CTNNA3: variants seen among roughly 807,000 people sequenced by gnomAD.
The protein encoded by CTNNA3 is catenin alpha 3.
A neutral mutation model predicts 95.7 loss-of-function variants in CTNNA3; 76 were observed. The ratio of observed to expected loss-of-function variants is 0.79; its 90% confidence interval spans 0.66 to 0.96. The LOEUF (loss-of-function observed/expected upper bound fraction) is 0.96. CTNNA3 is among the 40% of genes least tolerant of loss of function. The pLI, the probability that CTNNA3 is intolerant of heterozygous loss-of-function variation, is 0.00. For synonymous variants in CTNNA3, 431 were observed against 374.4 expected (o/e 1.15, Z -1.74); for missense variants, 1,191 against 1,089.8 (o/e 1.09, Z -1.31).
chr10:67,089,102 A>C (rs1398937911), intron 7 of CTNNA3, among the ~76,000 whole-genome samples: 1 of 152,016 alleles, frequency 6.6e-6, no homozygotes, highest in African/African-American at 2.4e-5. Context: ...TAAGGGACTT[A>C]CATAAACCTA....
intron 7 of CTNNA3, among the ~76,000 whole-genome samples, chr10:66,987,785 A>C (rs979729271): frequency 4.6e-5 from 7 of 152,206 alleles, no homozygotes; most frequent in Non-Finnish European, 8.8e-5. Context: ...ATGATAACTA[A>C]ATTTGGATAA....
intron 7 of CTNNA3, among the ~76,000 whole-genome samples, chr10:67,113,801 A>G (rs1032371460): frequency 1.3e-5 from 2 of 152,236 alleles, no homozygotes; most frequent in Non-Finnish European, 2.9e-5. Context: ...AACTTTGTTA[A>G]TAAAACAAGG....
chr10:67,504,112 A>G (rs1031978876), intron 5 of CTNNA3, among the ~76,000 whole-genome samples: 18 of 149,424 alleles, frequency 1.2e-4, no homozygotes, highest in South Asian at 2.1e-4. Flanking sequence ...AGCCGAGATC[A>G]CGCCACTGCA....
intron 7 of CTNNA3, among the ~76,000 whole-genome samples, chr10:67,110,063 TA>T (rs149665537): frequency 1.4e-3 from 208 of 152,268 alleles, no homozygotes; most frequent in African/African-American, 4.8e-3. Context: ...TGTATTCAAA[TA>T]ATTATTTCTC....
At chr10:67,566,170 T>C (rs1440841561) in intron 3 of CTNNA3, among the ~76,000 whole-genome samples, 1 of 134,280 alleles carries the variant, frequency 7.4e-6, no homozygotes, top group Non-Finnish European at 1.6e-5. Flanking sequence ...AATTGACAAA[T>C]GGGATCTAAT....
intron 15 of CTNNA3, among the ~76,000 whole-genome samples, chr10:66,029,891 T>C (rs1050941450): frequency 1.3e-5 from 2 of 152,182 alleles, no homozygotes; most frequent in Non-Finnish European, 2.9e-5. Context: ...AATGTAATCT[T>C]TGCACACCAC....
chr10:66,914,863 T>C (rs1227055557), intron 7 of CTNNA3, among the ~76,000 whole-genome samples: 1 of 152,234 alleles, frequency 6.6e-6, no homozygotes, highest in Non-Finnish European at 1.5e-5. Flanking sequence ...ATTTTATTTA[T>C]ATTGCTTGAC....
At position 67,326,078 on chromosome 10, in the gene CTNNA3, G is replaced by A. The variant is rs192373759; in HGVS notation, c.580-106208C>T. ...GCTTTTATCTGTTTTCCATTTGCTT[G>A]GTATATTTTTCTCTATCCCTTTATT... is the stretch of plus-strand genomic sequence containing the variant. On this transcript the variant is annotated intron_variant, in intron 5 of 17. Coordinates refer to ENST00000433211, the MANE Select transcript of CTNNA3 (RefSeq NM_013266.4). Among the ~76,000 whole-genome samples the A allele has an allele frequency of 2.0e-3, 306 of 152,072 alleles. 1 individual carries two copies. Among genetic ancestry groups the A allele is most frequent in the African/African-American group, 7.1e-3 (296 of 41,498 alleles).
intron 3 of CTNNA3, among the ~76,000 whole-genome samples, chr10:67,572,226 T>C (rs946572896): frequency 6.6e-6 from 1 of 152,210 alleles, no homozygotes; most frequent in Non-Finnish European, 1.5e-5. Context: ...TAAATGCTAA[T>C]AATTTTTAAA....
intron 9 of CTNNA3, among the ~76,000 whole-genome samples, chr10:66,704,131 T>C (rs997976742): frequency 3.9e-5 from 6 of 152,148 alleles, no homozygotes; most frequent in African/African-American, 1.4e-4. Context: ...AATATTTTTA[T>C]TGTTAGCTGT....
chr10:67,374,885 A>G, intron 5 of CTNNA3, among the ~76,000 whole-genome samples: 1 of 152,210 alleles, frequency 6.6e-6, no homozygotes, highest in Non-Finnish European at 1.5e-5. Context: ...CCAAATATAC[A>G]ACTTATTTAG....
intron 11 of CTNNA3, among the ~76,000 whole-genome samples, chr10:66,383,176 G>T (rs922181389): frequency 1.3e-5 from 2 of 152,148 alleles, no homozygotes; most frequent in Non-Finnish European, 2.9e-5. Context: ...TGAACCCATT[G>T]CAAGGAAGCT....
chr10:66,840,754 T>C (rs770725658), intron 7 of CTNNA3, among the ~76,000 whole-genome samples: 15 of 152,126 alleles, frequency 9.9e-5, no homozygotes, highest in Non-Finnish European at 1.8e-4. Flanking sequence ...AGATACATCT[T>C]CAATTTCATA....
At chr10:67,168,114 C>A (rs1235418591) in intron 7 of CTNNA3, among the ~76,000 whole-genome samples, 1 of 152,076 alleles carries the variant, frequency 6.6e-6, no homozygotes, top group Non-Finnish European at 1.5e-5. Context: ...TCAGCCTAGG[C>A]AACAGAGTGA....
chr10:66,486,166 C>T (rs1348284169), intron 11 of CTNNA3, among the ~76,000 whole-genome samples: 1 of 152,044 alleles, frequency 6.6e-6, no homozygotes, highest in Non-Finnish European at 1.5e-5. Context: ...TCAGATATAA[C>T]CCCAAAAGTA....
At chr10:67,141,673 C>T (rs1260054664) in intron 7 of CTNNA3, among the ~76,000 whole-genome samples, 2 of 152,120 alleles carry the variant, frequency 1.3e-5, no homozygotes, top group East Asian at 3.9e-4. Context: ...AGGGCAAAAG[C>T]AGCTATTTTC....
chr10:67,698,564 T>C (rs530773481), upstream of CTNNA3, among the ~76,000 whole-genome samples: 162 of 152,272 alleles, frequency 1.1e-3, no homozygotes, highest in Non-Finnish European at 1.9e-3. Flanking sequence ...AAATCCCTTA[T>C]AGAATGAAAA....
intron 7 of CTNNA3, among the ~76,000 whole-genome samples, chr10:66,995,530 G>A (rs1386283984): frequency 6.6e-6 from 1 of 152,142 alleles, no homozygotes; most frequent in Non-Finnish European, 1.5e-5. Flanking sequence ...ATACCTACCT[G>A]TTTAATACCT....
chr10:67,074,453 C>T (rs1051875440), intron 7 of CTNNA3, among the ~76,000 whole-genome samples: 1 of 147,986 alleles, frequency 6.8e-6, no homozygotes, highest in Non-Finnish European at 1.5e-5. Context: ...CGGGTTCACG[C>T]CATTCTCCTG....
Sources: allele counts gnomAD v4.1 joint callset (sites outside exome capture counted in the v4.1 genomes callset), GRCh38; gene constraint gnomAD v4.1.1; transcripts MANE v1.5; gene names NCBI Gene and HGNC (gene_info 2026-07-23, HGNC 2026-07-21).